The following TMC1 variants were observed in gnomAD, a reference collection of about 807,000 sequenced individuals.
The protein encoded by TMC1 is transmembrane channel like 1, also known as transmembrane channel-like protein 1.
In TMC1, 84 loss-of-function variants were observed where a neutral mutation model predicts 105.8. The ratio of observed to expected loss-of-function variants is 0.79; its 90% CI spans 0.67 to 0.95. The LOEUF (loss-of-function observed/expected upper bound fraction) is 0.95. TMC1 is among the 40% of genes least tolerant of loss of function. The pLI is 0.00. For synonymous variants in TMC1, 315 were observed against 311.5 expected (o/e 1.01, Z -0.12); for missense variants, 817 against 914.1 (o/e 0.89, Z 1.37).
chr9:72,715,126 A>G (rs1826896505), intron 8 of TMC1, among the ~76,000 whole-genome samples: 1 of 152,142 alleles, frequency 6.6e-6, no homozygotes, highest in Non-Finnish European at 1.5e-5. Context: ...CTGCAGAGAG[A>G]TCTACTGTTA....
intron 13 of TMC1, among the ~76,000 whole-genome samples, chr9:72,777,300 AC>A (rs1229542212): frequency 6.6e-6 from 1 of 150,846 alleles, no homozygotes; most frequent in Non-Finnish European, 1.5e-5. Context: ...CCATTTTCCC[AC>A]CCCCAATTAA....
In TMC1 at chr9:72,805,206, A is replaced by T; in HGVS notation, c.1567-176A>T. 9 of 525,718 alleles carry T rather than the reference A, an allele frequency of 1.7e-5. No homozygotes were observed. In the South Asian group the frequency reaches 2.7e-4, roughly 16 times the overall value. 32.6% of individuals were successfully genotyped at this position (525,718 alleles called of 1,614,324 possible). A position where few individuals can be genotyped will look rare whatever the true frequency, so the allele number is the denominator to read the frequency against. ...ACGGGAAATAATTATTTTTTAAGTAATAAAGTCAGGGTGAAATATTTTTTA... is the reference window on the plus strand; with the variant it reads ...ACGGGAAATAATTATTTTTTAAGTATTAAAGTCAGGGTGAAATATTTTTTA... On this transcript the variant is annotated intron_variant, in intron 17 of 23. Transcript: ENST00000297784.
intron 1 of TMC1, among the ~76,000 whole-genome samples, chr9:72,539,177 G>A (rs1318768868): frequency 6.6e-6 from 1 of 151,292 alleles, no homozygotes; most frequent in Non-Finnish European, 1.5e-5. Context: ...GGGCTCAGGA[G>A]TTTGAGACCA....
chr9:72,766,209 A>T (rs951104925), intron 12 of TMC1, among the ~76,000 whole-genome samples: 3 of 151,888 alleles, frequency 2.0e-5, no homozygotes, highest in Non-Finnish European at 2.9e-5. Context: ...CAAGGTCAGG[A>T]GATCGAGACC....
chr9:72,559,144 G>T (rs532951551), intron 1 of TMC1, among the ~76,000 whole-genome samples: 1 of 151,776 alleles, frequency 6.6e-6, no homozygotes, highest in East Asian at 1.9e-4. Flanking sequence ...GCCCAGGCTG[G>T]AGTGCAATGG....
At chr9:72,781,862 C>G (rs1828098815) in intron 13 of TMC1, among the ~76,000 whole-genome samples, 1 of 152,140 alleles carries the variant, frequency 6.6e-6, no homozygotes, top group Admixed American at 6.5e-5. Context: ...GACAAATTCA[C>G]AGCCAAATTC....
At chr9:72,796,006 A>C (rs971982984) in intron 17 of TMC1, among the ~76,000 whole-genome samples, 4 of 152,078 alleles carry the variant, frequency 2.6e-5, no homozygotes, top group Non-Finnish European at 5.9e-5. Context: ...TTGAAATTAA[A>C]ATTCCCAATT....
At chr9:72,782,209 A>C (rs1828103909) in intron 13 of TMC1, among the ~76,000 whole-genome samples, 1 of 152,188 alleles carries the variant, frequency 6.6e-6, no homozygotes, top group Admixed American at 6.5e-5. Flanking sequence ...AAAAACAGAA[A>C]CTACGTGATC....
chr9:72,807,036 C>T (rs1349593897), intron 18 of TMC1, among the ~76,000 whole-genome samples: 8 of 152,234 alleles, frequency 5.3e-5, no homozygotes, highest in East Asian at 1.9e-4. Flanking sequence ...CTGAGGCTGG[C>T]GGATCACTTG....
chr9:72,723,920 T>C (rs1169781234), intron 8 of TMC1, among the ~76,000 whole-genome samples: 1 of 152,216 alleles, frequency 6.6e-6, no homozygotes, highest in African/African-American at 2.4e-5. Flanking sequence ...ACTGTTTCTA[T>C]TTCTTTTAGA....
At chr9:72,689,802 C>T (rs150028656) in intron 6 of TMC1, among the ~76,000 whole-genome samples, 12 of 152,074 alleles carry the variant, frequency 7.9e-5, no homozygotes, top group Non-Finnish European at 4.4e-5. Flanking sequence ...TATCATTTTC[C>T]GTTCCTTCAC....
intron 17 of TMC1, among the ~76,000 whole-genome samples, chr9:72,803,243 A>ATATAT (rs1828507955): frequency 1.3e-5 from 2 of 152,250 alleles, no homozygotes; most frequent in African/African-American, 4.8e-5. Flanking sequence ...AGGATGGATT[A>ATATAT]AATGCTTATA....
At chr9:72,742,293 AC>A in intron 9 of TMC1, 150 bp from the exon 10 acceptor site, 1 of 702,908 alleles carries the variant, frequency 1.4e-6, no homozygotes, top group Non-Finnish European at 2.6e-6. Context: ...AACAAGTGAA[AC>A]CTACTGTTTC....
intron 18 of TMC1, among the ~76,000 whole-genome samples, chr9:72,808,286 C>T (rs561598664): frequency 1.3e-5 from 2 of 152,326 alleles, no homozygotes; most frequent in South Asian, 4.1e-4. Context: ...CAAGATGGTC[C>T]TTGCATTTGT....
chr9:72,642,629 T>C (rs1027645901), intron 4 of TMC1, among the ~76,000 whole-genome samples: 1 of 152,238 alleles, frequency 6.6e-6, no homozygotes, highest in African/African-American at 2.4e-5. Context: ...GTATGAAATT[T>C]TTAAACATTT....
chr9:72,647,810 T>C (rs188817174), intron 4 of TMC1, among the ~76,000 whole-genome samples: 65 of 152,216 alleles, frequency 4.3e-4, no homozygotes, highest in African/African-American at 1.5e-3. Context: ...CCAAGGTTAG[T>C]GCAGCTATGC....
chr9:72,588,746 C>T (rs1298511646), intron 2 of TMC1, among the ~76,000 whole-genome samples: 1 of 151,866 alleles, frequency 6.6e-6, no homozygotes, highest in Non-Finnish European at 1.5e-5. Context: ...AAACTGCTTC[C>T]CAGGTAAGTG....
intron 20 of TMC1, among the ~76,000 whole-genome samples, chr9:72,825,924 G>A (rs1378533784): frequency 1.3e-5 from 2 of 152,098 alleles, no homozygotes; most frequent in African/African-American, 4.8e-5. Context: ...TCTGCTGGAA[G>A]ATAGTATTGG....
intron 1 of TMC1, among the ~76,000 whole-genome samples, chr9:72,530,339 A>C (rs1823478001): frequency 6.6e-6 from 1 of 151,946 alleles, no homozygotes; most frequent in Non-Finnish European, 1.5e-5. Context: ...ACACCTGGCT[A>C]ATTTTTTTTT....
Sources: gnomAD v4.1 joint callset for allele counts (sites outside exome capture counted in the v4.1 genomes callset) on GRCh38, gnomAD v4.1.1 for gene constraint, MANE v1.5 for transcripts, NCBI Gene and HGNC (gene_info 2026-07-23, HGNC 2026-07-21) for gene names.